The following EYA4 variants were observed in gnomAD, a reference collection of about 807,000 sequenced individuals.
EYA4 encodes EYA transcriptional coactivator and phosphatase 4.
Under a neutral mutation model 87.9 loss-of-function variants are expected in EYA4, and 31 were observed. The observed-to-expected ratio is 0.35, with a 90% confidence interval of 0.27 to 0.48. EYA4 has a LOEUF of 0.48. Ranked by LOEUF, EYA4 falls within the 20% of genes least tolerant of loss-of-function variation. EYA4 has a pLI of 0.99. For synonymous variants in EYA4, 263 were observed against 270.6 expected (o/e 0.97, Z 0.28); for missense variants, 678 against 761.4 (o/e 0.89, Z 1.29).
At chr6:133,269,891 A>G (rs1776546249) in intron 1 of EYA4, among the ~76,000 whole-genome samples, 2 of 152,238 alleles carry the variant, frequency 1.3e-5, no homozygotes, top group African/African-American at 4.8e-5. Flanking sequence ...GGCTGTCTGC[A>G]AGCTGAGGAG....
At chr6:133,395,213 C>T (rs1355824335) in intron 3 of EYA4, among the ~76,000 whole-genome samples, 1 of 146,814 alleles carries the variant, frequency 6.8e-6, no homozygotes, top group Non-Finnish European at 1.5e-5. Context: ...GCAACTCAAG[C>T]ATCTGGATCA....
At chr6:133,289,391 T>TA (rs751414241) in intron 2 of EYA4, among the ~76,000 whole-genome samples, 38 of 152,280 alleles carry the variant, frequency 2.5e-4, no homozygotes, top group South Asian at 6.2e-4. Flanking sequence ...GCCATTGTTA[T>TA]AAAAAAATAG....
At chr6:133,414,692 G>A (rs1203898818) in intron 3 of EYA4, among the ~76,000 whole-genome samples, 2 of 152,140 alleles carry the variant, frequency 1.3e-5, no homozygotes, top group Non-Finnish European at 2.9e-5. Context: ...CACCAGATTT[G>A]TTTTCCATTT....
chr6:133,378,128 C>G (rs60182967), intron 2 of EYA4, among the ~76,000 whole-genome samples: 3,100 of 152,108 alleles, frequency 0.02, 109 homozygotes, highest in African/African-American at 0.071. Context: ...GTATATCAAT[C>G]ATACCTCAAT....
At chr6:133,408,409 G>A (rs75320439) in intron 3 of EYA4, among the ~76,000 whole-genome samples, 6,119 of 152,162 alleles carry the variant, frequency 0.04, 363 homozygotes, top group African/African-American at 0.12. Flanking sequence ...TTATGTAGAG[G>A]TTAAAAATAC....
In EYA4 at chr6:133,356,785, GTGTGTGTATA is replaced by G. The variant is rs750448896; in HGVS notation, c.34-25605_34-25596del. 2.2e-3 allele frequency among the ~76,000 whole-genome samples: 203 copies of G among 94,130 alleles called. 1 individual carries two copies. The highest frequency in any genetic ancestry group is 9.8e-3 in the African/African-American group (186 of 19,026). 61.8% of individuals were successfully genotyped at this position (94,130 alleles called of 152,430 possible). On this transcript the variant is annotated intron_variant, in intron 2 of 19. Coordinates refer to ENST00000355286, the MANE Select transcript of EYA4 (RefSeq NM_004100.5). ...TGTGTGTGTGTGTGTGTGTGTGTGTGTGTGTGTATATATATATTTTATTTTTATTTTTTTT... is the reference window on the plus strand; with the variant it reads ...TGTGTGTGTGTGTGTGTGTGTGTGTGTATATATTTTATTTTTATTTTTTTT...
chr6:133,256,492 A>G (rs1325540659), intron 1 of EYA4, among the ~76,000 whole-genome samples: 1 of 152,032 alleles, frequency 6.6e-6, no homozygotes, highest in Non-Finnish European at 1.5e-5. Context: ...AGCACCTTAC[A>G]TATATTACGA....
chr6:133,316,712 T>C (rs1780653144), intron 2 of EYA4, among the ~76,000 whole-genome samples: 1 of 152,234 alleles, frequency 6.6e-6, no homozygotes, highest in Admixed American at 6.5e-5. Flanking sequence ...GCATAAAGTG[T>C]CCATCTCTCT....
Position 133,507,966 on chromosome 6 carries a change from T to C in EYA4, c.1281+1771T>C, listed in dbSNP as rs950876322. Reference sequence around the variant, plus strand: ...GTTGCCACACTGTCTTCCACAATGGTTGAACTAATTTACACTCCCACCAAC... The same window carrying C: ...GTTGCCACACTGTCTTCCACAATGGCTGAACTAATTTACACTCCCACCAAC... On this transcript the variant is annotated intron_variant, in intron 14 of 19. Coordinates refer to ENST00000355286, the MANE Select transcript of EYA4 (RefSeq NM_004100.5). Among the ~76,000 whole-genome samples, 4 of 152,180 alleles carry C rather than the reference T, an allele frequency of 2.6e-5. No homozygotes were observed. In the South Asian group the frequency reaches 6.2e-4, roughly 24 times the overall value.
intron 3 of EYA4, among the ~76,000 whole-genome samples, chr6:133,409,453 G>A (rs1040408181): frequency 1.3e-5 from 2 of 152,122 alleles, no homozygotes; most frequent in African/African-American, 4.8e-5. Context: ...AATACTGCAT[G>A]ATCTCACTTA....
At chr6:133,400,512 A>T (rs918453697) in intron 3 of EYA4, among the ~76,000 whole-genome samples, 24 of 152,070 alleles carry the variant, frequency 1.6e-4, no homozygotes, top group Non-Finnish European at 3.1e-4. Context: ...TGTCTTGAAA[A>T]AAAAAAAGAA....
chr6:133,445,758 T>C (rs1376252707), intron 3 of EYA4, among the ~76,000 whole-genome samples: 1 of 151,970 alleles, frequency 6.6e-6, no homozygotes, highest in Admixed American at 6.6e-5. Context: ...TTTTTTGTAT[T>C]TGTAGTAGAG....
chr6:133,345,474 C>T lies in EYA4; in HGVS notation c.34-36918C>T, dbSNP rs115770040. 2.2e-3 allele frequency among the ~76,000 whole-genome samples: 336 copies of T among 152,188 alleles called. 1 individual carries two copies. Among genetic ancestry groups the T allele is most frequent in the African/African-American group, 7.9e-3 (327 of 41,552 alleles). ...TTAAATTAAAAATGTAAATCTAAGA[C>T]CTGCATCCTCAACCTTTAATTTCCA... On this transcript the variant is annotated intron_variant, in intron 2 of 19. Transcript: ENST00000355286.
chr6:133,286,927 A>G (rs1778111074), intron 2 of EYA4, among the ~76,000 whole-genome samples: 1 of 152,046 alleles, frequency 6.6e-6, no homozygotes, highest in African/African-American at 2.4e-5. Flanking sequence ...TGTCCTGTAC[A>G]TTGTGTTATT....
chr6:133,242,443 G>T (rs1774031282), intron 1 of EYA4, among the ~76,000 whole-genome samples: 1 of 152,198 alleles, frequency 6.6e-6, no homozygotes, highest in Non-Finnish European at 1.5e-5. Context: ...ATTGGCTCGA[G>T]TAGCGGGTGC....
At chr6:133,250,470 C>T (rs932145540) in intron 1 of EYA4, among the ~76,000 whole-genome samples, 6 of 151,872 alleles carry the variant, frequency 4.0e-5, no homozygotes, top group South Asian at 2.1e-4. Flanking sequence ...GGCAAAACCC[C>T]GTCTCTACTA....
chr6:133,445,487 A>T (rs1263404548), intron 3 of EYA4, among the ~76,000 whole-genome samples: 1 of 149,892 alleles, frequency 6.7e-6, no homozygotes, highest in Admixed American at 6.6e-5. Flanking sequence ...CTCAACTTTT[A>T]TTGATCTTTA....
At chr6:133,485,629 G>A (rs1160177526) in intron 13 of EYA4, among the ~76,000 whole-genome samples, 1 of 152,160 alleles carries the variant, frequency 6.6e-6, no homozygotes, top group Non-Finnish European at 1.5e-5. Context: ...TTCCAAACAG[G>A]AGTAAAGACA....
At chr6:133,387,085 A>G (rs1786816629) in intron 3 of EYA4, among the ~76,000 whole-genome samples, 1 of 152,214 alleles carries the variant, frequency 6.6e-6, no homozygotes, top group Non-Finnish European at 1.5e-5. Context: ...TCAGTTTAAT[A>G]TGTAATATTT....
Sources: gnomAD v4.1 joint callset for allele counts (sites outside exome capture counted in the v4.1 genomes callset) on GRCh38, gnomAD v4.1.1 for gene constraint, MANE v1.5 for transcripts, NCBI Gene and HGNC (gene_info 2026-07-23, HGNC 2026-07-21) for gene names.